The following GULP1 variants were observed in gnomAD, a reference collection of about 807,000 sequenced individuals.
The protein encoded by GULP1 is PTB domain-containing engulfment adapter protein 1.
Under a neutral mutation model 40.9 loss-of-function variants are expected in GULP1, and 19 were observed. That is an observed-to-expected ratio of 0.46 (90% confidence interval 0.32 to 0.68). GULP1 has a LOEUF of 0.68. GULP1 is among the 30% of genes least tolerant of loss of function. The pLI, the probability that GULP1 is intolerant of heterozygous loss-of-function variation, is 0.03. For synonymous variants in GULP1, 119 were observed against 117.6 expected, an observed-to-expected ratio of 1.01 and a Z score of -0.08; for missense variants, 312 against 362.2, an observed-to-expected ratio of 0.86 and a Z score of 1.12.
intron 5 of GULP1, chr2:188,523,049 G>C: frequency 2.6e-6 from 1 of 391,890 alleles, no homozygotes; most frequent in Non-Finnish European, 4.7e-6. Flanking sequence ...ATTTTTCTAA[G>C]GTATAATGTG....
At chr2:188,299,940 T>C (rs965241258) in intron 1 of GULP1, among the ~76,000 whole-genome samples, 2 of 152,236 alleles carry the variant, frequency 1.3e-5, no homozygotes, top group African/African-American at 4.8e-5. Context: ...TTGTGGATTT[T>C]ACAGTTATAG....
At chr2:188,522,127 A>G (rs1262800277) in intron 4 of GULP1, among the ~76,000 whole-genome samples, 1 of 152,150 alleles carries the variant, frequency 6.6e-6, no homozygotes, top group Non-Finnish European at 1.5e-5. Flanking sequence ...ATTGTAGATC[A>G]TGTATGTTTT....
chr2:188,565,747 G>A (rs940248689), intron 7 of GULP1, among the ~76,000 whole-genome samples: 4 of 152,030 alleles, frequency 2.6e-5, no homozygotes, highest in Non-Finnish European at 5.9e-5. Context: ...GTAGTTTCAT[G>A]TCTAATAACT....
intron 1 of GULP1, among the ~76,000 whole-genome samples, chr2:188,328,573 A>G (rs1470483207): frequency 6.6e-6 from 1 of 152,130 alleles, no homozygotes; most frequent in African/African-American, 2.4e-5. Flanking sequence ...CACAAGTAAA[A>G]CAGATGTTTG....
At chr2:188,305,088 C>T (rs1179269843) in intron 1 of GULP1, among the ~76,000 whole-genome samples, 2 of 152,172 alleles carry the variant, frequency 1.3e-5, no homozygotes, top group Non-Finnish European at 2.9e-5. Context: ...CCACTGACTT[C>T]AAGCTGGAGT....
intron 7 of GULP1, among the ~76,000 whole-genome samples, chr2:188,552,695 G>T (rs1337479079): frequency 6.6e-6 from 1 of 151,494 alleles, no homozygotes; most frequent in African/African-American, 2.4e-5. Flanking sequence ...GAATCTACAG[G>T]TTGCTTTGGA....
At chr2:188,398,607 C>T (rs1351247717) in intron 2 of GULP1, among the ~76,000 whole-genome samples, 1 of 151,740 alleles carries the variant, frequency 6.6e-6, no homozygotes, top group Non-Finnish European at 1.5e-5. Flanking sequence ...ATGATGAAAC[C>T]TAGAAAAGTG....
intron 5 of GULP1, among the ~76,000 whole-genome samples, chr2:188,526,849 A>C (rs1686285436): frequency 6.6e-6 from 1 of 152,158 alleles, no homozygotes; most frequent in Non-Finnish European, 1.5e-5. Flanking sequence ...CTAAAAACCC[A>C]CTTTATGACC....
At chr2:188,434,621 T>G (rs1010472454) in intron 2 of GULP1, among the ~76,000 whole-genome samples, 1 of 151,314 alleles carries the variant, frequency 6.6e-6, no homozygotes, top group East Asian at 1.9e-4. Context: ...TATATTTTTG[T>G]TTTTTTTATA....
chr2:188,511,676 A>C (rs887269101), intron 4 of GULP1, among the ~76,000 whole-genome samples: 2 of 152,180 alleles, frequency 1.3e-5, no homozygotes, highest in Non-Finnish European at 2.9e-5. Flanking sequence ...GGACTTAAAC[A>C]TGGAAATTGT....
chr2:188,541,310 G>A lies in GULP1; in HGVS notation c.391G>A (p.Glu131Lys), dbSNP rs749785708. 39 of 1,612,956 alleles carry A rather than the reference G, an allele frequency of 2.4e-5. No homozygotes were observed. The highest frequency in any genetic ancestry group is 3.1e-5 in the Non-Finnish European group (37 of 1,179,156). ...ACATTTGTGCTATGTATTTGACAGC[G>A]AAAAGTGTGTAAGTATCCCAGATGT... is the stretch of plus-strand genomic sequence containing the variant. ...NKHLCYVFDS[E>K]KCAEEITLTI... Residue 131 changes from glutamate (E) to lysine (K), a missense_variant, in exon 7 of 12, where the codon GAA (glutamate) becomes AAA (lysine). Glu to Lys is a moderately conservative substitution (Grantham distance 56). Coordinates refer to ENST00000409830, the MANE Select transcript of GULP1 (RefSeq NM_016315.4).
chr2:188,441,351 T>A (rs2057917302), intron 2 of GULP1, among the ~76,000 whole-genome samples: 1 of 152,226 alleles, frequency 6.6e-6, no homozygotes, highest in Admixed American at 6.5e-5. Context: ...TTTATTATGA[T>A]CTGTAGAGTT....
chr2:188,385,800 C>G (rs2049648627), intron 2 of GULP1, among the ~76,000 whole-genome samples: 1 of 152,150 alleles, frequency 6.6e-6, no homozygotes, highest in African/African-American at 2.4e-5. Context: ...TAAAACATAA[C>G]AAGAGTCACC....
intron 2 of GULP1, among the ~76,000 whole-genome samples, chr2:188,388,298 G>A (rs1158859713): frequency 6.6e-6 from 1 of 151,034 alleles, no homozygotes; most frequent in African/African-American, 2.4e-5. Flanking sequence ...GGAGACTGAG[G>A]CAGGTGGATC....
intron 2 of GULP1, among the ~76,000 whole-genome samples, chr2:188,416,571 T>A (rs1460617543): frequency 6.6e-6 from 1 of 152,164 alleles, no homozygotes; most frequent in Non-Finnish European, 1.5e-5. Context: ...TTTCAGTTCT[T>A]ACCAATTTTG....
chr2:188,393,096 G>C (rs13389155), intron 2 of GULP1, among the ~76,000 whole-genome samples: 2 of 151,576 alleles, frequency 1.3e-5, no homozygotes, highest in Admixed American at 1.3e-4. Context: ...TGTTAGGTCA[G>C]TTTGTTCTAG....
At chr2:188,507,178 C>T (rs972514661) in intron 4 of GULP1, among the ~76,000 whole-genome samples, 3 of 151,810 alleles carry the variant, frequency 2.0e-5, no homozygotes, top group African/African-American at 7.3e-5. Context: ...TTTAAAAAGG[C>T]CTTTCCCCAA....
intron 7 of GULP1, among the ~76,000 whole-genome samples, chr2:188,554,732 TG>T (rs1040275818): frequency 2.0e-5 from 3 of 152,060 alleles, no homozygotes; most frequent in African/African-American, 7.2e-5. Context: ...GTACTGACAA[TG>T]GGGTTTTGGG....
At chr2:188,532,566 A>G (rs966557978) in intron 6 of GULP1, among the ~76,000 whole-genome samples, 1 of 152,000 alleles carries the variant, frequency 6.6e-6, no homozygotes, top group Non-Finnish European at 1.5e-5. Flanking sequence ...AACCTTTTCT[A>G]TTATTTTCTG....
Sources: allele counts gnomAD v4.1 joint callset (sites outside exome capture counted in the v4.1 genomes callset), GRCh38; gene constraint gnomAD v4.1.1; transcripts MANE v1.5; gene names NCBI Gene and HGNC (gene_info 2026-07-23, HGNC 2026-07-21).